The following ALOX5 variants were observed in gnomAD, a reference collection of about 807,000 sequenced individuals.
ALOX5 encodes the protein arachidonate 5-lipoxygenase.
In ALOX5, 64 loss-of-function variants were observed where a neutral mutation model predicts 87.9. That is an observed-to-expected ratio of 0.73 (90% CI 0.60 to 0.90). The LOEUF is 0.90. Among genes scored for constraint, ALOX5 ranks in the 40% least tolerant of loss-of-function variants. The pLI, the probability that ALOX5 is intolerant of heterozygous loss-of-function variation, is 0.00. For synonymous variants in ALOX5, 388 were observed against 355.1 expected (o/e 1.09, Z -1.04); for missense variants, 822 against 907.5 (o/e 0.91, Z 1.21).
In ALOX5 at chr10:45,387,442, G is replaced by A. The variant is rs1036603048; in HGVS notation, c.349+4761G>A. Among the ~76,000 whole-genome samples the A allele has an allele frequency of 2.6e-5, 4 of 152,202 alleles. No individual in the cohort carries two copies. In the East Asian group the frequency reaches 7.7e-4, roughly 29 times the overall value. On this transcript the variant is annotated intron_variant, in intron 2 of 13. Transcript: ENST00000374391. ...TGCTCAGTATAAGAATTTCAGAGAA[G>A]AGGAGTAAACTATTCTGCAGTGATT... is the stretch of plus-strand genomic sequence containing the variant.
rs1291004077 is a variant in ALOX5, at chr10:45,425,127, G to A, written c.829G>A (p.Val277Ile). 1.9e-6 allele frequency: 3 copies of A among 1,613,526 alleles called. No individual in the cohort carries two copies. Among genetic ancestry groups the A allele is most frequent in the Admixed American group, 1.7e-5 (1 of 59,980 alleles). Residue 277 changes from valine to isoleucine, a missense_variant, in exon 6 of 14, where the codon GTC becomes ATC. By Grantham distance (29) the Val-to-Ile change is conservative. Transcript: ENST00000374391. This position sits in a 1 kb window ranked among gnomAD's most constrained non-coding sequence, Gnocchi z 4.4. Reference sequence around the variant, plus strand: ...GCGGCAGCTCAGCTTGGAGCAGGAGGTCCAGGTAGGGGTTGATGGGCTGGG... The same window carrying A: ...GCGGCAGCTCAGCTTGGAGCAGGAGATCCAGGTAGGGGTTGATGGGCTGGG... ...LERQLSLEQE[V>I]QQGNIFIVDF...
chr10:45,399,964 G>A (rs2132727290), intron 3 of ALOX5, among the ~76,000 whole-genome samples: 1 of 152,258 alleles, frequency 6.6e-6, no homozygotes, highest in East Asian at 1.9e-4. Context: ...CCACTAAAAT[G>A]GTTAGAATAA....
intron 7 of ALOX5, among the ~76,000 whole-genome samples, chr10:45,434,136 T>TG (rs1378253407): frequency 6.6e-6 from 1 of 152,194 alleles, no homozygotes; most frequent in Admixed American, 6.5e-5. Context: ...GTTGCGGGGC[T>TG]GGGGGGCTAC....
chr10:45,441,600 GC>G (rs1842237690), intron 9 of ALOX5, 170 bp downstream of exon 9: 1 of 609,446 alleles, frequency 1.6e-6, no homozygotes, highest in East Asian at 3.0e-5. Context: ...GTGCCATTCA[GC>G]CAGGAGCACT....
chr10:45,431,162 C>T (rs1841891055), intron 7 of ALOX5, among the ~76,000 whole-genome samples: 1 of 152,060 alleles, frequency 6.6e-6, no homozygotes, highest in South Asian at 2.1e-4. Flanking sequence ...TTAATAGCCA[C>T]AACTAATAAA....
intron 10 of ALOX5, 83 bp downstream of exon 10, chr10:45,443,299 G>A (rs748334405): frequency 2.4e-4 from 376 of 1,580,202 alleles, no homozygotes; most frequent in East Asian, 4.9e-4. Flanking sequence ...CCCCTCCACC[G>A]CTAGCGCTGA....
At chr10:45,379,818 G>C (rs1486784695) in intron 1 of ALOX5, among the ~76,000 whole-genome samples, 1 of 152,174 alleles carries the variant, frequency 6.6e-6, no homozygotes, top group Non-Finnish European at 1.5e-5. Flanking sequence ...AATGTGCCCA[G>C]GCCATCCAGC....
At chr10:45,397,528 ATAAG>A (rs1840556865) in intron 3 of ALOX5, among the ~76,000 whole-genome samples, 1 of 152,230 alleles carries the variant, frequency 6.6e-6, no homozygotes, top group South Asian at 2.1e-4. Context: ...GAATAAAAAG[ATAAG>A]TAAAGGCACC....
intron 13 of ALOX5, among the ~76,000 whole-genome samples, chr10:45,445,097 G>A (rs1159739746): frequency 7.9e-5 from 12 of 152,256 alleles, no homozygotes; most frequent in Admixed American, 3.9e-4. Flanking sequence ...TCCCTGGCCC[G>A]CTTTCTGCCT....
chr10:45,434,178 C>T (rs1300968469), intron 7 of ALOX5, among the ~76,000 whole-genome samples: 1 of 152,216 alleles, frequency 6.6e-6, no homozygotes, highest in Non-Finnish European at 1.5e-5. Flanking sequence ...TGCCCCGTCT[C>T]AATTGGAGGA....
chr10:45,395,761 A>G (rs1298736013), intron 2 of ALOX5, 94 bp from the exon 3 acceptor site: 6 of 1,074,058 alleles, frequency 5.6e-6, no homozygotes, highest in Non-Finnish European at 8.6e-6. Context: ...AGCACTCGGC[A>G]TGGGCAGGGC....
At chr10:45,428,512 C>T (rs1841806562) in intron 6 of ALOX5, 106 bp from the exon 7 acceptor site, 3 of 1,410,450 alleles carry the variant, frequency 2.1e-6, no homozygotes, top group African/African-American at 1.4e-5. Context: ...TCCGCTGAGT[C>T]GCAGGAAAGG....
In ALOX5 at chr10:45,380,370, G is replaced by A. The variant is rs538320791; in HGVS notation, c.151-2113G>A. The stretch of plus-strand genomic sequence containing the variant: ...TACAGAGCACAGGGAGGAAGCTTCC[G>A]CTTTCTGACCACAAGCGTCTGGCCT... On this transcript the variant is annotated intron_variant, in intron 1 of 13. Coordinates refer to ENST00000374391, the MANE Select transcript of ALOX5 (RefSeq NM_000698.5). Among the ~76,000 whole-genome samples the A allele has an allele frequency of 3.7e-4, 57 of 152,358 alleles. No homozygotes were observed. In the South Asian group the frequency reaches 4.8e-3, roughly 13 times the overall value.
intron 3 of ALOX5, among the ~76,000 whole-genome samples, chr10:45,401,168 C>T (rs1442588060): frequency 1.3e-5 from 2 of 152,096 alleles, no homozygotes; most frequent in Non-Finnish European, 2.9e-5. Flanking sequence ...CTGCTTTGGC[C>T]CCTGGAAACA....
At chr10:45,428,444 A>G (rs140697247) in intron 6 of ALOX5, 174 bp from the exon 7 acceptor site, 6 of 778,632 alleles carry the variant, frequency 7.7e-6, no homozygotes, top group Non-Finnish European at 1.2e-5. Flanking sequence ...ACCTGTGAAC[A>G]CCTTCCATGT....
intron 2 of ALOX5, among the ~76,000 whole-genome samples, chr10:45,392,803 C>T (rs1001565656): frequency 1.3e-5 from 2 of 151,856 alleles, no homozygotes; most frequent in African/African-American, 4.8e-5. Flanking sequence ...TACAAACTAC[C>T]ATCAGAGAAT....
At chr10:45,434,085 C>G (rs566621119) in intron 7 of ALOX5, among the ~76,000 whole-genome samples, 1 of 152,226 alleles carries the variant, frequency 6.6e-6, no homozygotes, top group African/African-American at 2.4e-5. Context: ...CCTGGAACTT[C>G]CCTTCAAGGA....
At chr10:45,416,129 A>G (rs1472155326) in intron 4 of ALOX5, among the ~76,000 whole-genome samples, 1 of 152,174 alleles carries the variant, frequency 6.6e-6, no homozygotes, top group African/African-American at 2.4e-5. Flanking sequence ...ATTTATTTCT[A>G]AACATTGTGT....
At chr10:45,383,381 C>G (rs1839908548) in intron 2 of ALOX5, among the ~76,000 whole-genome samples, 1 of 152,262 alleles carries the variant, frequency 6.6e-6, no homozygotes, top group Non-Finnish European at 1.5e-5. Context: ...AGCCAAGGCT[C>G]CCTGAATGAA....
Sources: gnomAD v4.1 joint callset for allele counts (sites outside exome capture counted in the v4.1 genomes callset) on GRCh38, gnomAD v4.1.1 for gene constraint, Gnocchi (gnomAD v3.1) non-coding constraint, MANE v1.5 for transcripts, NCBI Gene and HGNC (gene_info 2026-07-23, HGNC 2026-07-21) for gene names.